AMOTL1: variants seen among roughly 807,000 people sequenced by gnomAD.
The protein encoded by AMOTL1 is angiomotin-like protein 1.
Under a neutral mutation model 102.9 loss-of-function variants are expected in AMOTL1, and 45 were observed. That is an observed-to-expected ratio of 0.44 (90% CI 0.34 to 0.56). The LOEUF (loss-of-function observed/expected upper bound fraction) is 0.56, where lower values mean the gene tolerates loss of function less well. Among genes scored for constraint, AMOTL1 ranks in the 20% least tolerant of loss-of-function variants. The pLI is 0.01. For synonymous variants in AMOTL1, 481 were observed against 484.7 expected (o/e 0.99, Z 0.10); for missense variants, 1,114 against 1,225.6 (o/e 0.91, Z 1.36).
chr11:94,845,423 G>A (rs904013065), intron 6 of AMOTL1, among the ~76,000 whole-genome samples: 5 of 152,100 alleles, frequency 3.3e-5, no homozygotes, highest in Admixed American at 6.5e-5. Context: ...TTTTCTATTC[G>A]TCAAATGGGG....
intron 2 of AMOTL1, chr11:94,796,896 A>T (rs545270076): frequency 1.6e-6 from 1 of 607,606 alleles, no homozygotes; most frequent in African/African-American, 2.0e-5. Context: ...ATGTATTAAT[A>T]TACATATATG....
In AMOTL1 at chr11:94,862,157, T is replaced by C. The variant is rs1952787979; in HGVS notation, c.2135+2442T>C. ...TTACACATATTTATTGAGCATCTAA[T>C]AATTCTGTGAGCAACTACCCTCCCC... On this transcript the variant is annotated intron_variant, in intron 9 of 12. Transcript: ENST00000433060. Among the ~76,000 whole-genome samples the C allele has an allele frequency of 4.6e-5, 7 of 152,324 alleles. No individual in the cohort carries two copies. The South Asian group carries it at 1.4e-3, about 32-fold the overall frequency.
chr11:94,794,005 A>G (rs1435433007), intron 1 of AMOTL1, among the ~76,000 whole-genome samples: 2 of 152,356 alleles, frequency 1.3e-5, no homozygotes, highest in East Asian at 3.9e-4. Context: ...GTCGTTTGGT[A>G]TCAATAATTA....
Position 94,810,174 on chromosome 11 carries a change from G to A in AMOTL1, c.1121+9863G>A, listed in dbSNP as rs753981934. On this transcript the variant is annotated intron_variant, in intron 3 of 12. Coordinates refer to ENST00000433060, the MANE Select transcript of AMOTL1 (RefSeq NM_130847.3). ...AGGTACAGAGAGAAAGAGTCTGGTGGTACTACAGGGAGATTAAAAATGGAT... is the reference window on the plus strand; with the variant it reads ...AGGTACAGAGAGAAAGAGTCTGGTGATACTACAGGGAGATTAAAAATGGAT... Among the ~76,000 whole-genome samples, 46 of 152,160 alleles carry A rather than the reference G, an allele frequency of 3.0e-4. 1 individual carries two copies. The highest frequency in any genetic ancestry group is 7.3e-5 in the Non-Finnish European group (5 of 68,040).
chr11:94,745,975 C>A (rs774273307), intron 3 of AMOTL1, among the ~76,000 whole-genome samples: 1 of 152,148 alleles, frequency 6.6e-6, no homozygotes, highest in Non-Finnish European at 1.5e-5. Flanking sequence ...GGTTTTCCAT[C>A]TGAGGTTTTG....
At chr11:94,772,040 C>T (rs1329901764) in intron 1 of AMOTL1, among the ~76,000 whole-genome samples, 4 of 151,918 alleles carry the variant, frequency 2.6e-5, no homozygotes, top group Non-Finnish European at 1.5e-5. Context: ...TTTAACTTTT[C>T]GTTTTGAAAT....
chr11:94,866,366 G>C, intron 11 of AMOTL1, 198 bp downstream of exon 11: 1 of 607,772 alleles, frequency 1.6e-6, no homozygotes, highest in Non-Finnish European at 2.9e-6. Flanking sequence ...TGCACCACTG[G>C]AGTAGCTCTT....
chr11:94,859,666 A>G lies in AMOTL1; in HGVS notation c.2086A>G (p.Thr696Ala). 6.2e-7 allele frequency: 1 copy of G among 1,612,420 alleles called. No individual in the cohort carries two copies. Among genetic ancestry groups the G allele is most frequent in the Non-Finnish European group, 8.5e-7 (1 of 1,179,244 alleles). The change falls in exon 9 of 13, where the codon ACC becomes GCC. Residue 696 changes from threonine (T) to alanine (A), a missense_variant. Physicochemically the swap from Thr to Ala is moderately conservative, Grantham distance 58. Transcript: ENST00000433060. ...GGAGCAGAAGTACCTGGAGGAGAGCACCATCCGACACTTTGCCATGAATGC... is the reference window on the plus strand; with the variant it reads ...GGAGCAGAAGTACCTGGAGGAGAGCGCCATCCGACACTTTGCCATGAATGC... ...KWEQKYLEES[T>A]IRHFAMNAAA...
intron 3 of AMOTL1, among the ~76,000 whole-genome samples, chr11:94,752,474 C>T (rs938826345): frequency 9.2e-5 from 14 of 152,162 alleles, no homozygotes; most frequent in African/African-American, 2.7e-4. Flanking sequence ...CTGCTGCCTG[C>T]GGAAATACAC....
At chr11:94,864,053 T>G (rs1267758437) in intron 9 of AMOTL1, among the ~76,000 whole-genome samples, 3 of 152,338 alleles carry the variant, frequency 2.0e-5, no homozygotes, top group African/African-American at 7.2e-5. Flanking sequence ...AAGGAAGACT[T>G]CAGCTTGGAG....
intron 3 of AMOTL1, among the ~76,000 whole-genome samples, chr11:94,807,236 A>G (rs1005628871): frequency 6.6e-6 from 1 of 152,206 alleles, no homozygotes; most frequent in Non-Finnish European, 1.5e-5. Context: ...ATGTTGCTTC[A>G]AGGACTAGAA....
intron 3 of AMOTL1, among the ~76,000 whole-genome samples, chr11:94,757,577 T>C (rs2135497418): frequency 6.6e-6 from 1 of 152,184 alleles, no homozygotes; most frequent in African/African-American, 2.4e-5. Context: ...AAATAGATCT[T>C]ACTGTCTCCT....
At chr11:94,780,922 A>G (rs924311072) in intron 1 of AMOTL1, among the ~76,000 whole-genome samples, 1 of 152,064 alleles carries the variant, frequency 6.6e-6, no homozygotes, top group South Asian at 2.1e-4. Flanking sequence ...TGCTTGGTGG[A>G]TATTTTCTCC....
chr11:94,719,665 T>C (rs891135422), intron 1 of AMOTL1, among the ~76,000 whole-genome samples: 19 of 152,134 alleles, frequency 1.2e-4, no homozygotes, highest in African/African-American at 3.9e-4. Context: ...AATAGTTACC[T>C]CTAGGGAGTG....
chr11:94,831,310 G>A, intron 5 of AMOTL1, 142 bp from the exon 6 acceptor site: 1 of 581,738 alleles, frequency 1.7e-6, no homozygotes, highest in Non-Finnish European at 3.0e-6. Context: ...CATAGTTACT[G>A]TCTGTCCCCA....
At chr11:94,858,558 C>T (rs1276475226) in intron 8 of AMOTL1, among the ~76,000 whole-genome samples, 8 of 152,136 alleles carry the variant, frequency 5.3e-5, no homozygotes. Context: ...TCTCACCTTG[C>T]ACCCAGCTCT....
chr11:94,722,872 T>C (rs1379876181), intron 1 of AMOTL1, among the ~76,000 whole-genome samples: 1 of 152,154 alleles, frequency 6.6e-6, no homozygotes, highest in Non-Finnish European at 1.5e-5. Context: ...CATAAAAAAC[T>C]AAGCTCTGGG....
chr11:94,820,558 A>G (rs538432024), intron 3 of AMOTL1, among the ~76,000 whole-genome samples: 4 of 152,332 alleles, frequency 2.6e-5, no homozygotes, highest in Non-Finnish European at 4.4e-5. Flanking sequence ...TGTGGAAGAC[A>G]ATTTTTCCGC....
upstream of AMOTL1, chr11:94,768,267 G>T: frequency 2.5e-6 from 3 of 1,220,474 alleles, no homozygotes; most frequent in Non-Finnish European, 2.0e-6. Flanking sequence ...GGGCGCCACG[G>T]CGGGGGTGGA....
Sources: allele counts gnomAD v4.1 joint callset (sites outside exome capture counted in the v4.1 genomes callset), GRCh38; gene constraint gnomAD v4.1.1; transcripts MANE v1.5; gene names NCBI Gene and HGNC (gene_info 2026-07-23, HGNC 2026-07-21).